The following SLC24A2 variants were observed in gnomAD, a reference collection of about 807,000 sequenced individuals.
The protein encoded by SLC24A2 is solute carrier family 24 member 2.
Under a neutral mutation model 62.0 loss-of-function variants are expected in SLC24A2, and 36 were observed. The ratio of observed to expected loss-of-function variants is 0.58; its 90% CI spans 0.44 to 0.77. The LOEUF (loss-of-function observed/expected upper bound fraction) is 0.77. Among genes scored for constraint, SLC24A2 ranks in the 30% least tolerant of loss-of-function variants. SLC24A2 has a pLI of 0.00. For synonymous variants in SLC24A2, 358 were observed against 294.0 expected, an observed-to-expected ratio of 1.22 and a Z score of -2.23; for missense variants, 846 against 817.9, an observed-to-expected ratio of 1.03 and a Z score of -0.42.
At chr9:19,741,621 A>G (rs1821681404) in intron 2 of SLC24A2, among the ~76,000 whole-genome samples, 1 of 152,164 alleles carries the variant, frequency 6.6e-6, no homozygotes, top group South Asian at 2.1e-4. Context: ...AAGTTGTTTT[A>G]CACTTTAGAT....
chr9:20,002,365 CTTTTT>C, the SLC24A2 span, among the ~76,000 whole-genome samples: 1 of 130,252 alleles, frequency 7.7e-6, no homozygotes, highest in East Asian at 2.2e-4. Flanking sequence ...AGCTACAAAC[CTTTTT>C]TTTTTTTTTT....
the SLC24A2 span, among the ~76,000 whole-genome samples, chr9:20,074,822 T>C: frequency 2.0e-5 from 3 of 152,144 alleles, no homozygotes; most frequent in Non-Finnish European, 4.4e-5. Flanking sequence ...AAATTATAAA[T>C]AATGCTTCTA....
chr9:20,290,654 G>C, the SLC24A2 span, among the ~76,000 whole-genome samples: 1 of 152,206 alleles, frequency 6.6e-6, no homozygotes, highest in African/African-American at 2.4e-5. Context: ...GCAGGGTGAG[G>C]GGAAAGAGCA....
the SLC24A2 span, among the ~76,000 whole-genome samples, chr9:19,925,862 A>T: frequency 6.6e-6 from 1 of 152,220 alleles, no homozygotes; most frequent in East Asian, 1.9e-4. Flanking sequence ...AGAGATTTTA[A>T]TCGTGTGCTA....
chr9:19,881,055 G>A, the SLC24A2 span, among the ~76,000 whole-genome samples: 1 of 152,152 alleles, frequency 6.6e-6, no homozygotes, highest in South Asian at 2.1e-4. Context: ...TAGTGCTGTT[G>A]TGAAGGATGA....
At chr9:19,896,693 A>G in the SLC24A2 span, among the ~76,000 whole-genome samples, 3 of 152,290 alleles carry the variant, frequency 2.0e-5, 1 homozygote, top group Admixed American at 2.0e-4. Flanking sequence ...TGACTCTCAG[A>G]GCCAATATCC....
At chr9:20,072,130 C>T in the SLC24A2 span, among the ~76,000 whole-genome samples, 2 of 152,020 alleles carry the variant, frequency 1.3e-5, no homozygotes, top group Admixed American at 1.3e-4. Context: ...GTCCTTTAAG[C>T]CTTTCATGGA....
the SLC24A2 span, among the ~76,000 whole-genome samples, chr9:19,842,633 G>A: frequency 6.6e-6 from 1 of 152,114 alleles, no homozygotes; most frequent in Non-Finnish European, 1.5e-5. Flanking sequence ...TAGTCTCCAA[G>A]GGGGGGATGT....
chr9:20,007,341 G>C, the SLC24A2 span, among the ~76,000 whole-genome samples: 1 of 152,098 alleles, frequency 6.6e-6, no homozygotes, highest in East Asian at 1.9e-4. Context: ...CTGCACCTGA[G>C]TCCTACTTTA....
the SLC24A2 span, among the ~76,000 whole-genome samples, chr9:19,794,460 G>C: frequency 6.6e-6 from 1 of 152,182 alleles, no homozygotes; most frequent in Non-Finnish European, 1.5e-5. Context: ...TGAGGGGGAA[G>C]TGTGGGAGAA....
rs1564009595 is a variant in SLC24A2, at chr9:19,636,309, CTTTT to C, written c.931-14014_931-14011del. ...CTCTTCTTTTCTTTTCTTTTCTTTT[CTTTT>C]CTTTTCTTTCTTTCTTTCTTTCTTT... is the stretch of plus-strand genomic sequence containing the variant. On this transcript the variant is annotated intron_variant, in intron 2 of 10. Transcript: ENST00000341998. Among the ~76,000 whole-genome samples the C allele has an allele frequency of 1.7e-3, 67 of 40,438 alleles. 8 individuals carry two copies. Among genetic ancestry groups the C allele is most frequent in the East Asian group, 8.3e-3 (11 of 1,332 alleles). 26.5% of individuals were successfully genotyped at this position (40,438 alleles called of 152,430 possible).
At chr9:19,573,819 G>C (rs1271802922) in intron 6 of SLC24A2, among the ~76,000 whole-genome samples, 1 of 152,060 alleles carries the variant, frequency 6.6e-6, no homozygotes, top group Non-Finnish European at 1.5e-5. Flanking sequence ...TTGAGCCTAG[G>C]CAAATTTACC....
At chr9:19,830,330 A>G in the SLC24A2 span, among the ~76,000 whole-genome samples, 2 of 152,222 alleles carry the variant, frequency 1.3e-5, no homozygotes, top group Non-Finnish European at 2.9e-5. Flanking sequence ...ATCAATTAAT[A>G]TATTTTTTAC....
At chr9:20,031,306 T>G in the SLC24A2 span, among the ~76,000 whole-genome samples, 1 of 147,312 alleles carries the variant, frequency 6.8e-6, no homozygotes, top group Non-Finnish European at 1.5e-5. Flanking sequence ...TAAAATATAT[T>G]TCTCTTTTAA....
Position 19,632,023 on chromosome 9 carries a change from G to A in SLC24A2, c.931-9724C>T, listed in dbSNP as rs1156981766. Among the ~76,000 whole-genome samples, 3 of 152,186 alleles carry A rather than the reference G, an allele frequency of 2.0e-5. No individual in the cohort carries two copies. Among genetic ancestry groups the A allele is most frequent in the Admixed American group, 2.0e-4 (3 of 15,276 alleles). ...GCAGTAAGAAACCGTTCCACTGGGT[G>A]TTGACCATGATACACCTGGCCATCC... is the stretch of plus-strand genomic sequence containing the variant. On this transcript the variant is annotated intron_variant, in intron 2 of 10. Transcript: ENST00000341998. This position sits in a 1 kb window ranked among gnomAD's most constrained non-coding sequence, Gnocchi z 4.5.
chr9:19,820,155 ACTATTAT>A, the SLC24A2 span, among the ~76,000 whole-genome samples: 1 of 149,214 alleles, frequency 6.7e-6, no homozygotes, highest in Admixed American at 6.7e-5. Context: ...GAGATTGGAG[ACTATTAT>A]TCTAAGTGAA....
At chr9:20,074,740 TTA>T in the SLC24A2 span, among the ~76,000 whole-genome samples, 1 of 152,070 alleles carries the variant, frequency 6.6e-6, no homozygotes, top group Admixed American at 6.6e-5. Context: ...AAGCTGCTAT[TTA>T]ATATGCTGCC....
chr9:20,173,963 T>C, the SLC24A2 span, among the ~76,000 whole-genome samples: 4 of 151,910 alleles, frequency 2.6e-5, no homozygotes, highest in Non-Finnish European at 4.4e-5. Context: ...TAGAAAACCA[T>C]AGTCACCAAA....
chr9:19,753,462 T>C (rs1359025547), intron 2 of SLC24A2, among the ~76,000 whole-genome samples: 1 of 152,236 alleles, frequency 6.6e-6, no homozygotes, highest in Non-Finnish European at 1.5e-5. Context: ...AGTTTGTTCA[T>C]TTTCATACAG....
Sources: gnomAD v4.1 joint callset for allele counts (sites outside exome capture counted in the v4.1 genomes callset) on GRCh38, gnomAD v4.1.1 for gene constraint, Gnocchi (gnomAD v3.1) non-coding constraint, MANE v1.5 for transcripts, NCBI Gene and HGNC (gene_info 2026-07-23, HGNC 2026-07-21) for gene names.